The following TLE6 variants were observed in gnomAD, a reference collection of about 807,000 sequenced individuals.
TLE6 encodes TLE family member 6, subcortical maternal complex member.
In TLE6, 72 loss-of-function variants were observed where a neutral mutation model predicts 77.1. The ratio of observed to expected loss-of-function variants is 0.93; its 90% CI spans 0.77 to 1.14. The LOEUF is 1.14. Among genes scored for constraint, TLE6 ranks in the 50% most tolerant of loss-of-function variants. The pLI, the probability that TLE6 is intolerant of heterozygous loss-of-function variation, is 0.00. For missense variants in TLE6, 843 were observed against 747.6 expected (o/e 1.13, Z -1.49); for synonymous variants, 366 against 287.3 (o/e 1.27, Z -2.77).
intron 13 of TLE6, among the ~76,000 whole-genome samples, chr19:2,990,826 C>A (rs1292638837): frequency 6.7e-6 from 1 of 150,150 alleles, no homozygotes; most frequent in African/African-American, 2.5e-5. Flanking sequence ...CATGGCGAAA[C>A]CCCCTCTCTA....
At chr19:2,986,311 G>A (rs1371954146) in intron 5 of TLE6, among the ~76,000 whole-genome samples, 1 of 152,012 alleles carries the variant, frequency 6.6e-6, no homozygotes, top group Admixed American at 6.6e-5. Context: ...AGCTACTCAG[G>A]AGGCTGAGAT....
At chr19:2,978,983 T>C (rs1194506913) in intron 2 of TLE6, among the ~76,000 whole-genome samples, 2 of 152,166 alleles carry the variant, frequency 1.3e-5, no homozygotes, top group African/African-American at 2.4e-5. Context: ...AGACGGAGTC[T>C]CACACTCACC....
Position 2,995,046 on chromosome 19 carries a change from T to G in TLE6, c.*42T>G. ...CATCCCACTCCGGCTCCTCTTTTCA[T>G]CCCCCCCCTTCCCCCCCCCCAACAA... On this transcript the variant is annotated 3_prime_UTR_variant, in exon 17 of 17. Transcript: ENST00000246112. 5 of 995,990 alleles carry G rather than the reference T, an allele frequency of 5.0e-6. No homozygotes were observed. Among genetic ancestry groups the G allele is most frequent in the Admixed American group, 2.5e-5 (1 of 39,284 alleles). The allele number at this position is 995,990 out of a possible 1,614,324, so 61.7% of individuals were successfully genotyped here.
In TLE6 at chr19:2,989,692, C is replaced by CCCTGGATGCCAA. The variant is rs759636928; in HGVS notation, c.1169_1180dup (p.Asp390_Leu393dup). Reference sequence around the variant, plus strand: ...CCCTGTGCAGGTCTCAACTGCCAGGCCCTGGATGCCAACCTGGATGCCAAC... The same window carrying CCCTGGATGCCAA: ...CCCTGTGCAGGTCTCAACTGCCAGGCCCTGGATGCCAACCTGGATGCCAACCTGGATGCCAAC... On this transcript the variant is annotated inframe_insertion, in exon 13 of 17. Transcript: ENST00000246112. 1.2e-6 allele frequency: 2 copies of CCCTGGATGCCAA among 1,614,202 alleles called. No individual in the cohort carries two copies. Among genetic ancestry groups the CCCTGGATGCCAA allele is most frequent in the Non-Finnish European group, 1.7e-6 (2 of 1,180,032 alleles).
intron 14 of TLE6, among the ~76,000 whole-genome samples, chr19:2,992,816 G>T (rs1157950466): frequency 1.7e-5 from 2 of 116,344 alleles, no homozygotes; most frequent in Admixed American, 8.4e-5. Context: ...GGTGGGGGGG[G>T]GGGAGGATGA....
Position 2,987,209 on chromosome 19 carries a change from A to T in TLE6, c.512A>T (p.His171Leu), listed in dbSNP as rs2088933194. ...CTCTGGCGGATTTTTGCCGGCGTCC[A>T]CGATGAGAAGGCAAAGCCCAGAGAC... Reference protein sequence around the residue: ...EQLWRIFAGVHDEKAKPRDRQ... With the variant: ...EQLWRIFAGVLDEKAKPRDRQ... The change falls in exon 7 of 17, where the codon CAC (histidine) becomes CTC (leucine). Residue 171 changes from histidine (H) to leucine (L), a missense_variant. His to Leu is a moderately conservative substitution (Grantham distance 99). Transcript: ENST00000246112. The T allele has an allele frequency of 1.2e-6, 2 of 1,614,016 alleles. No homozygotes were observed. The highest frequency in any genetic ancestry group is 1.7e-6 in the Non-Finnish European group (2 of 1,180,044).
rs776185352 is a variant in TLE6 at position 2,987,244 on chromosome 19, T to G, written c.541+6T>G. The G allele has an allele frequency of 1.2e-6, 2 of 1,614,062 alleles. No homozygotes were observed. The highest frequency in any genetic ancestry group is 2.2e-5 in the South Asian group (2 of 91,080). On this transcript the variant is annotated splice_donor_region_variant and intron_variant, in intron 7 of 16. Transcript: ENST00000246112. ...GGCAAAGCCCAGAGACAGACGTGAGTGTCCCTGAGGGTGAGGGGGAAGGGG... is the reference window on the plus strand; with the variant it reads ...GGCAAAGCCCAGAGACAGACGTGAGGGTCCCTGAGGGTGAGGGGGAAGGGG...
chr19:2,978,539 C>A (rs1203798140), intron 2 of TLE6, among the ~76,000 whole-genome samples: 3 of 152,086 alleles, frequency 2.0e-5, no homozygotes, highest in Non-Finnish European at 2.9e-5. Flanking sequence ...CACTTGAGCC[C>A]AGGAGTTTGA....
chr19:2,991,575 C>T lies in TLE6; in HGVS notation c.1245-268C>T, dbSNP rs143300436. 3.2e-3 allele frequency among the ~76,000 whole-genome samples: 482 copies of T among 151,024 alleles called. 3 individuals are homozygous for T. Among genetic ancestry groups the T allele is most frequent in the South Asian group, 0.013 (62 of 4,764 alleles). ...GGATTCCTGTAGACCTGCCTCAGAGCTCGGGTGGACTCAGGGTGGAAGAGG... is the reference window on the plus strand; with the variant it reads ...GGATTCCTGTAGACCTGCCTCAGAGTTCGGGTGGACTCAGGGTGGAAGAGG... On this transcript the variant is annotated intron_variant, in intron 13 of 16. Coordinates refer to ENST00000246112, the MANE Select transcript of TLE6 (RefSeq NM_001143986.2).
In TLE6 at chr19:2,991,767, T is replaced by C. The variant is rs1468512431; in HGVS notation, c.1245-76T>C. On this transcript the variant is annotated intron_variant, in intron 13 of 16. Transcript: ENST00000246112. ...TGGCACTGTCCCTTTCATGCCCAAA[T>C]GTAGTGACTGGTGTTTCCGGGGGCC... 4.8e-6 allele frequency: 7 copies of C among 1,465,380 alleles called. No individual in the cohort carries two copies. The Admixed American group carries it at 8.8e-5, about 18-fold the overall frequency. 90.8% of individuals were successfully genotyped at this position (1,465,380 alleles called of 1,614,324 possible).
chr19:2,990,496 C>T (rs185210534), intron 13 of TLE6, among the ~76,000 whole-genome samples: 1,767 of 150,318 alleles, frequency 0.012, 24 homozygotes, highest in African/African-American at 0.029. Context: ...CCCAGCTACT[C>T]GGGAGGCTGA....
chr19:2,988,157 C>CG, intron 11 of TLE6, 29 bp downstream of exon 11: 3 of 1,549,930 alleles, frequency 1.9e-6, no homozygotes, highest in Non-Finnish European at 2.6e-6. Flanking sequence ...TGCTTTTGGG[C>CG]GGGGTGAGGG....
chr19:2,986,317 G>A (rs2088909415), intron 5 of TLE6, among the ~76,000 whole-genome samples: 1 of 152,066 alleles, frequency 6.6e-6, no homozygotes, highest in Non-Finnish European at 1.5e-5. Flanking sequence ...TCAGGAGGCT[G>A]AGATGGGAGG....
chr19:2,989,430 A>AGC (rs1599165011), intron 12 of TLE6, 105 bp from the exon 13 acceptor site: 2 of 1,571,062 alleles, frequency 1.3e-6, no homozygotes, highest in African/African-American at 2.7e-5. Flanking sequence ...GGGGCATAAT[A>AGC]GCTAGGAACC....
At chr19:2,994,854 G>C (rs750964567) in intron 16 of TLE6, 46 bp from the exon 17 acceptor site, 1 of 1,122,256 alleles carries the variant, frequency 8.9e-7, no homozygotes, top group Non-Finnish European at 1.3e-6. Context: ...GAGACCAGGG[G>C]TGTGTGAGCC....
intron 8 of TLE6, 72 bp from the exon 9 acceptor site, chr19:2,987,652 G>C: frequency 6.4e-7 from 1 of 1,562,246 alleles, no homozygotes; most frequent in Admixed American, 1.7e-5. Flanking sequence ...TGTGCAAGCT[G>C]CCCAGGAATC....
chr19:2,991,313 C>G (rs1450295897), intron 13 of TLE6, among the ~76,000 whole-genome samples: 3 of 140,600 alleles, frequency 2.1e-5, no homozygotes, highest in East Asian at 2.2e-4. Context: ...GAGCTGAGAT[C>G]GTGCTGCTGC....
Position 2,982,187 on chromosome 19 carries a change from C to A in TLE6, c.220C>A (p.Gln74Lys). The change falls in exon 5 of 17, where the codon CAG becomes AAG. Residue 74 changes from glutamine (Q) to lysine (K), a missense_variant and splice_region_variant. Coordinates refer to ENST00000246112, the MANE Select transcript of TLE6 (RefSeq NM_001143986.2). ...GCAGGATGTGGCAGAACATCACAAG[C>A]AGGTGGGTGACCAGGAGCTCAGGGG... ...IQQDVAEHHK[Q>K]IGNVLQIVES... The A allele has an allele frequency of 6.4e-7, 1 of 1,551,376 alleles. No individual in the cohort carries two copies. Among genetic ancestry groups the A allele is most frequent in the Non-Finnish European group, 8.7e-7 (1 of 1,146,926 alleles).
In TLE6 at chr19:2,985,540, C is replaced by G. The variant is rs2088890143; in HGVS notation, c.223-1289C>G. ...TCTCCTGCCTCAGCCTCCCGAGTAG[C>G]TGGGACTACAGGCACCTGCCACCAT... On this transcript the variant is annotated intron_variant, in intron 5 of 16. Transcript: ENST00000246112. Among the ~76,000 whole-genome samples the G allele has an allele frequency of 5.4e-5, 8 of 147,920 alleles. No homozygotes were observed. The South Asian group carries it at 1.7e-3, about 32-fold the overall frequency.
Sources: allele counts gnomAD v4.1 joint callset (sites outside exome capture counted in the v4.1 genomes callset), GRCh38; gene constraint gnomAD v4.1.1; transcripts MANE v1.5; gene names NCBI Gene and HGNC (gene_info 2026-07-23, HGNC 2026-07-21).